PPHLN1: variants seen among roughly 807,000 people sequenced by gnomAD.
The protein encoded by PPHLN1 is periphilin 1, also known as periphilin-1.
Under a neutral mutation model 51.3 loss-of-function variants are expected in PPHLN1, and 29 were observed. The ratio of observed to expected loss-of-function variants is 0.57; its 90% CI spans 0.42 to 0.77. The LOEUF is 0.77. PPHLN1 is among the 30% of genes least tolerant of loss of function. The pLI is 0.00. For missense variants in PPHLN1, 436 were observed against 438.4 expected (o/e 0.99, Z 0.05); for synonymous variants, 147 against 147.8 (o/e 0.99, Z 0.04).
At chr12:42,389,398 A>AAC (rs1555203947) in intron 7 of PPHLN1, among the ~76,000 whole-genome samples, 4 of 114,108 alleles carry the variant, frequency 3.5e-5, no homozygotes, top group Non-Finnish European at 4.2e-5. Flanking sequence ...TAAACAAACA[A>AAC]AAAAAAAAAC....
At chr12:42,393,163 C>T (rs773147253) in intron 7 of PPHLN1, among the ~76,000 whole-genome samples, 2 of 152,046 alleles carry the variant, frequency 1.3e-5, no homozygotes, top group Admixed American at 1.3e-4. Context: ...CATATCTGTA[C>T]GTTTCTGTTG....
At chr12:42,338,957 C>A (rs1191005999) in intron 2 of PPHLN1, among the ~76,000 whole-genome samples, 3 of 152,156 alleles carry the variant, frequency 2.0e-5, no homozygotes, top group Non-Finnish European at 4.4e-5. Context: ...TTTAATGAAT[C>A]AGCATATTGC....
At position 42,441,315 on chromosome 12, in the gene PPHLN1, G is replaced by T. The variant is rs1290143525; in HGVS notation, c.910G>T (p.Val304Phe). ...AACCAGAATGTGTTTTACCTTTTAG[G>T]TTTACCGACAAGACTGTGAAACTTT... ...IASKTKEIEQ[V>F]YRQDCETFGM... The change falls in exon 10 of 10, where the codon GTT (valine) becomes TTT (phenylalanine). Residue 304 changes from valine (V) to phenylalanine (F), a missense_variant and splice_region_variant. Val to Phe is a conservative substitution (Grantham distance 50). Coordinates refer to ENST00000358314, the MANE Select transcript of PPHLN1 (RefSeq NM_201439.2). 6.2e-7 allele frequency: 1 copy of T among 1,605,562 alleles called. No individual in the cohort carries two copies. Among genetic ancestry groups the T allele is most frequent in the Admixed American group, 1.7e-5 (1 of 59,398 alleles).
At chr12:42,346,010 A>G (rs1034210390) in intron 2 of PPHLN1, among the ~76,000 whole-genome samples, 8 of 152,164 alleles carry the variant, frequency 5.3e-5, no homozygotes, top group African/African-American at 1.9e-4. Context: ...ACATGGATGC[A>G]TATTCATAGT....
chr12:42,342,024 G>A (rs2071586420), intron 2 of PPHLN1, among the ~76,000 whole-genome samples: 1 of 152,122 alleles, frequency 6.6e-6, no homozygotes. Context: ...GCAGACTAAA[G>A]TTCAAAGAAG....
intron 9 of PPHLN1, among the ~76,000 whole-genome samples, chr12:42,415,814 A>G (rs768019728): frequency 2.6e-5 from 4 of 152,340 alleles, no homozygotes; most frequent in East Asian, 3.9e-4. Flanking sequence ...GTTTGGTCCT[A>G]TCTTCATTTT....
Position 42,355,143 on chromosome 12 carries a change from A to C in PPHLN1, c.238-18A>C. The C allele has an allele frequency of 6.2e-7, 1 of 1,612,166 alleles. No homozygotes were observed. Among genetic ancestry groups the C allele is most frequent in the Non-Finnish European group, 8.5e-7 (1 of 1,178,656 alleles). On this transcript the variant is annotated intron_variant, in intron 3 of 9. Transcript: ENST00000358314. ...AAATAATGTAAACAAATAGCTAAGT[A>C]GCTTTTTTATGTTACAGGATGAATC...
At chr12:42,407,934 T>G (rs921259987) in intron 9 of PPHLN1, among the ~76,000 whole-genome samples, 1 of 152,182 alleles carries the variant, frequency 6.6e-6, no homozygotes, top group African/African-American at 2.4e-5. Flanking sequence ...TCCATGGATG[T>G]GAAACCCATA....
At chr12:42,382,725 C>G (rs1219056994) in intron 5 of PPHLN1, among the ~76,000 whole-genome samples, 1 of 151,838 alleles carries the variant, frequency 6.6e-6, no homozygotes, top group Non-Finnish European at 1.5e-5. Flanking sequence ...CCAACAAAAA[C>G]GAAAGAGGAA....
chr12:42,409,120 A>G (rs2079575491), intron 9 of PPHLN1, among the ~76,000 whole-genome samples: 1 of 152,170 alleles, frequency 6.6e-6, no homozygotes, highest in Non-Finnish European at 1.5e-5. Context: ...TTATTGTACT[A>G]TAATCACCTA....
intron 9 of PPHLN1, among the ~76,000 whole-genome samples, chr12:42,426,228 A>ACACACCCCC (rs371819974): frequency 1.6e-4 from 21 of 129,872 alleles, no homozygotes; most frequent in African/African-American, 6.9e-4. Flanking sequence ...ACACACACAC[A>ACACACCCCC]CCCTCATGCA....
At chr12:42,352,950 G>GTGT (rs1257969741) in intron 3 of PPHLN1, among the ~76,000 whole-genome samples, 7 of 152,008 alleles carry the variant, frequency 4.6e-5, no homozygotes, top group Admixed American at 3.9e-4. Context: ...TCAGCCAGGT[G>GTGT]TGGTGGTGGG....
rs796932537 is a variant in PPHLN1 at position 42,419,477 on chromosome 12, G to C, written c.909+20483G>C. Among the ~76,000 whole-genome samples, 65 of 152,152 alleles carry C rather than the reference G, an allele frequency of 4.3e-4. 2 individuals carry two copies. Among genetic ancestry groups the C allele is most frequent in the African/African-American group, 1.6e-3 (65 of 41,514 alleles). On this transcript the variant is annotated intron_variant, in intron 9 of 9. Coordinates refer to ENST00000358314, the MANE Select transcript of PPHLN1 (RefSeq NM_201439.2). ...TTGAACTCCTGACCTCAGGTGATCC[G>C]CCTGCCTCAGCTTCCCAGAGTGCTG...
intron 1 of PPHLN1, among the ~76,000 whole-genome samples, chr12:42,334,669 T>G (rs2070320076): frequency 6.6e-6 from 1 of 152,226 alleles, no homozygotes; most frequent in Non-Finnish European, 1.5e-5. Flanking sequence ...CCCTACTTTC[T>G]GTGTACTGAA....
chr12:42,414,611 T>A (rs2080202229), intron 9 of PPHLN1, among the ~76,000 whole-genome samples: 2 of 152,210 alleles, frequency 1.3e-5, no homozygotes, highest in Non-Finnish European at 2.9e-5. Flanking sequence ...GTGCTACTGA[T>A]TCATATACAC....
intron 4 of PPHLN1, 126 bp downstream of exon 4, chr12:42,355,348 C>G: frequency 1.3e-6 from 1 of 777,644 alleles, no homozygotes; most frequent in Admixed American, 2.4e-5. Flanking sequence ...TTGAAAGCAA[C>G]AAGCATTATA....
chr12:42,355,359 T>A (rs2073914655), intron 4 of PPHLN1, 137 bp downstream of exon 4: 5 of 711,886 alleles, frequency 7.0e-6, no homozygotes, highest in Non-Finnish European at 1.2e-5. Context: ...AAGCATTATA[T>A]TCTTTTTGTG....
At chr12:42,446,232 T>A, downstream of PPHLN1, 2 of 1,612,388 alleles carry the variant, frequency 1.2e-6, no homozygotes. Context: ...CAGACACCAT[T>A]CACTCCAGAA....
chr12:42,401,502 T>G (rs541112411), intron 9 of PPHLN1, among the ~76,000 whole-genome samples: 34 of 92,630 alleles, frequency 3.7e-4, no homozygotes, highest in African/African-American at 1.8e-3. Flanking sequence ...AGGAGGTGAG[T>G]GGCCATGGGG....
Sources: gnomAD v4.1 joint callset for allele counts (sites outside exome capture counted in the v4.1 genomes callset) on GRCh38, gnomAD v4.1.1 for gene constraint, MANE v1.5 for transcripts, NCBI Gene and HGNC (gene_info 2026-07-23, HGNC 2026-07-21) for gene names.